CEPT1: variants seen among roughly 807,000 people sequenced by gnomAD.
The protein encoded by CEPT1 is choline/ethanolamine phosphotransferase 1, also known as choline/ethanolaminephosphotransferase 1.
Under a neutral mutation model 42.6 loss-of-function variants are expected in CEPT1, and 7 were observed. That is an observed-to-expected ratio of 0.16 (90% CI 0.09 to 0.31). CEPT1 has a LOEUF of 0.31. Ranked by LOEUF, CEPT1 falls within the 10% of genes least tolerant of loss-of-function variation. The probability of loss-of-function intolerance (pLI) is 1.00; values close to 1 mark genes in which losing one functional copy is unlikely to be tolerated. For synonymous variants in CEPT1, 171 were observed against 171.9 expected, an observed-to-expected ratio of 0.99 and a Z score of 0.04; for missense variants, 306 against 502.1, an observed-to-expected ratio of 0.61 and a Z score of 3.73.
At chr1:111,160,964 A>AG (rs1655838693) in intron 3 of CEPT1, 191 bp from the exon 4 acceptor site, 3 of 618,732 alleles carry the variant, frequency 4.8e-6, no homozygotes, top group African/African-American at 3.8e-5. Flanking sequence ...AAAAAAAAAA[A>AG]AAAAAAGAGA....
At chr1:111,181,194 A>G (rs185163533) in intron 5 of CEPT1, 1 of 152,076 alleles carries the variant, frequency 6.6e-6, no homozygotes, top group East Asian at 1.9e-4. Context: ...TTTTCATTGT[A>G]AGAACTCATG....
intron 4 of CEPT1, 110 bp downstream of exon 4, chr1:111,161,406 A>G: frequency 9.5e-7 from 1 of 1,048,928 alleles, no homozygotes; most frequent in Non-Finnish European, 1.4e-6. Context: ...TAGTTTAATA[A>G]ATTAAAAAAT....
chr1:111,153,104 A>G (rs1655370942), intron 2 of CEPT1, among the ~76,000 whole-genome samples: 1 of 152,144 alleles, frequency 6.6e-6, no homozygotes, highest in Non-Finnish European at 1.5e-5. Flanking sequence ...CTTCTGTTAA[A>G]CAACCTGTCC....
chr1:111,141,654 A>G (rs1335645), intron 1 of CEPT1, among the ~76,000 whole-genome samples: 22,372 of 152,004 alleles, frequency 0.15, 1,983 homozygotes, highest in South Asian at 0.28. Context: ...AAGGAGTGCA[A>G]TATTTCACTT....
chr1:111,173,562 T>G (rs1258931911), intron 4 of CEPT1, among the ~76,000 whole-genome samples: 1 of 152,208 alleles, frequency 6.6e-6, no homozygotes, highest in African/African-American at 2.4e-5. Flanking sequence ...TTACCTACTT[T>G]TAGACTAATT....
At position 111,157,815 on chromosome 1, in the gene CEPT1, T is replaced by C. The variant is rs910367557; in HGVS notation, c.340-1565T>C. The stretch of plus-strand genomic sequence containing the variant: ...TTTAATAACTGGTACTAAATAGATC[T>C]CTATCAGAGAGAAACTCCTTTGCAG... On this transcript the variant is annotated intron_variant, in intron 2 of 8. Coordinates refer to ENST00000357172, the MANE Select transcript of CEPT1 (RefSeq NM_006090.5). 8.5e-5 allele frequency among the ~76,000 whole-genome samples: 13 copies of C among 152,346 alleles called. No homozygotes were observed. In the East Asian group the frequency reaches 2.5e-3, roughly 29 times the overall value.
chr1:111,164,844 C>T (rs1272158511), intron 4 of CEPT1, among the ~76,000 whole-genome samples: 2 of 151,710 alleles, frequency 1.3e-5, no homozygotes, highest in Non-Finnish European at 2.9e-5. Flanking sequence ...AGGATGGTCT[C>T]GATCTCCTGA....
rs773409190 is a variant in CEPT1, at chr1:111,147,890, C to T, written c.176C>T (p.Ala59Val). ...KRLEEHRYQS[A>V]GRSLLEPLMQ... ...CTAGAAGAACACAGATATCAAAGTGCTGGACGGTCCCTGCTTGAGCCCTTA... is the reference window on the plus strand; with the variant it reads ...CTAGAAGAACACAGATATCAAAGTGTTGGACGGTCCCTGCTTGAGCCCTTA... Residue 59 changes from alanine (A) to valine (V), a missense_variant, in exon 2 of 9, where the codon GCT (alanine) becomes GTT (valine). Ala to Val is a moderately conservative substitution (Grantham distance 64, BLOSUM62 0). Coordinates refer to ENST00000357172, the MANE Select transcript of CEPT1 (RefSeq NM_006090.5). 6.2e-6 allele frequency: 10 copies of T among 1,614,046 alleles called. No homozygotes were observed. In the East Asian group the frequency reaches 2.0e-4, roughly 32 times the overall value.
At chr1:111,153,500 T>C (rs1166908994) in intron 2 of CEPT1, among the ~76,000 whole-genome samples, 1 of 152,226 alleles carries the variant, frequency 6.6e-6, no homozygotes, top group East Asian at 1.9e-4. Context: ...ACTTTAGTTT[T>C]TCTTGCCTGT....
rs529366886 is a variant in CEPT1, at chr1:111,174,769, G to T, written c.630-110G>T. On this transcript the variant is annotated intron_variant, in intron 4 of 8. Coordinates refer to ENST00000357172, the MANE Select transcript of CEPT1 (RefSeq NM_006090.5). The stretch of plus-strand genomic sequence containing the variant: ...CTTTTCCCCTTTCCTCAATATTTGA[G>T]ATTTTTTTTTTCTATTGTGCATGAT... The T allele has an allele frequency of 2.5e-5, 15 of 588,628 alleles. No homozygotes were observed. The Admixed American group carries it at 4.4e-4, about 17-fold the overall frequency. 36.5% of individuals were successfully genotyped at this position (588,628 alleles called of 1,614,324 possible). A position where few individuals can be genotyped will look rare whatever the true frequency, so the allele number is the denominator to read the frequency against.
At chr1:111,143,624 T>C (rs1654787848) in intron 1 of CEPT1, 1 of 152,198 alleles carries the variant, frequency 6.6e-6, no homozygotes, top group Non-Finnish European at 1.5e-5. Flanking sequence ...TTACTTTTTT[T>C]TTTCTTTTTG....
intron 6 of CEPT1, 145 bp from the exon 7 acceptor site, chr1:111,182,654 A>G (rs1657046800): frequency 4.2e-6 from 3 of 707,394 alleles, no homozygotes; most frequent in Non-Finnish European, 6.9e-6. Context: ...TAGCTCTTCT[A>G]GTTTGTGATT....
chr1:111,175,702 G>A (rs1392378986), intron 5 of CEPT1, among the ~76,000 whole-genome samples: 1 of 152,148 alleles, frequency 6.6e-6, no homozygotes, highest in African/African-American at 2.4e-5. Context: ...TTAATATATT[G>A]TGTAAAGCAC....
chr1:111,184,299 A>C lies in CEPT1; in HGVS notation c.1240A>C (p.Asn414His), dbSNP rs1321594185. 1.2e-6 allele frequency: 2 copies of C among 1,611,158 alleles called. No individual in the cohort carries two copies. The highest frequency in any genetic ancestry group is 2.2e-5 in the South Asian group (2 of 90,728). Residue 414 changes from asparagine to histidine, a missense_variant, in exon 9 of 9, where the codon AAT becomes CAT. Around this residue, in one of 2 missense-constraint regions of CEPT1, gnomAD observed 253 missense variants for 447.3 expected, o/e 0.57. Transcript: ENST00000357172. ...AATCAAGGTCTCTACAGCTCATTCT[A>C]ATCATCATTAATGATGTAATTGGTA... Reference protein sequence around the residue: ...FRIKVSTAHSNHH With the variant: ...FRIKVSTAHSHHH
In CEPT1 at chr1:111,182,177, C is replaced by T; in HGVS notation, c.715-10C>T. 1 of 1,578,930 alleles carries T rather than the reference C, an allele frequency of 6.3e-7. No homozygotes were observed. Among genetic ancestry groups the T allele is most frequent in the Non-Finnish European group, 8.6e-7 (1 of 1,156,988 alleles). ...ATGTTTTAATTGTTTTCTCTCTCTACCCATTAAAGATTCCAGTGCTGAATA... is the reference window on the plus strand; with the variant it reads ...ATGTTTTAATTGTTTTCTCTCTCTATCCATTAAAGATTCCAGTGCTGAATA... On this transcript the variant is annotated splice_polypyrimidine_tract_variant and intron_variant, in intron 5 of 8. Transcript: ENST00000357172.
At chr1:111,161,403 A>G (rs1655862343) in intron 4 of CEPT1, 107 bp downstream of exon 4, 1 of 1,089,840 alleles carries the variant, frequency 9.2e-7, no homozygotes, top group Non-Finnish European at 1.3e-6. Flanking sequence ...AGTTAGTTTA[A>G]TAAATTAAAA....
intron 2 of CEPT1, among the ~76,000 whole-genome samples, chr1:111,158,639 T>A (rs903565788): frequency 3.1e-4 from 47 of 152,174 alleles, no homozygotes; most frequent in Non-Finnish European, 8.8e-5. Flanking sequence ...AGTCCTGTAG[T>A]AAAGAAATCC....
intron 4 of CEPT1, among the ~76,000 whole-genome samples, chr1:111,169,833 T>TTTGGTGAATTG (rs1553238082): frequency 6.6e-6 from 1 of 152,180 alleles, no homozygotes; most frequent in Non-Finnish European, 1.5e-5. Context: ...TGAAATTGTA[T>TTTGGTGAATTG]TAGAATACAA....
At chr1:111,160,315 C>G (rs1420648303) in intron 3 of CEPT1, 1 of 152,148 alleles carries the variant, frequency 6.6e-6, no homozygotes, top group African/African-American at 2.4e-5. Flanking sequence ...GAACTCATCC[C>G]TCCCCTCTTT....
Sources: allele counts gnomAD v4.1 joint callset (sites outside exome capture counted in the v4.1 genomes callset), GRCh38; gene constraint gnomAD v4.1.1; regional missense constraint gnomAD v4.1.1; transcripts MANE v1.5; gene names NCBI Gene and HGNC (gene_info 2026-07-23, HGNC 2026-07-21).